RIMS2: variants seen among roughly 807,000 people sequenced by gnomAD.
RIMS2 encodes the protein regulating synaptic membrane exocytosis 2.
Under a neutral mutation model 174.4 loss-of-function variants are expected in RIMS2, and 59 were observed. The observed-to-expected ratio is 0.34, with a 90% CI of 0.27 to 0.42. The LOEUF is 0.42. RIMS2 is among the 10% of genes least tolerant of loss of function. RIMS2 has a pLI of 1.00. For synonymous variants in RIMS2, 606 were observed against 572.5 expected (o/e 1.06, Z -0.84); for missense variants, 1,620 against 1,666.3 (o/e 0.97, Z 0.48).
intron 15 of RIMS2, among the ~76,000 whole-genome samples, chr8:103,967,170 GTTTTTTT>G (rs71575988): frequency 5.2e-4 from 13 of 24,962 alleles, no homozygotes; most frequent in African/African-American, 2.1e-3. Context: ...ATCTGTTCTT[GTTTTTTT>G]TTTTTTTTTT....
chr8:103,824,127 G>A (rs2098771477), intron 3 of RIMS2, among the ~76,000 whole-genome samples: 1 of 151,862 alleles, frequency 6.6e-6, no homozygotes, highest in South Asian at 2.1e-4. Context: ...ACAATTATTA[G>A]TATATGTCCT....
chr8:104,086,689 A>G (rs1287142774), intron 19 of RIMS2, among the ~76,000 whole-genome samples: 2 of 152,090 alleles, frequency 1.3e-5, no homozygotes, highest in African/African-American at 4.8e-5. Flanking sequence ...TTCTTCGACT[A>G]CCGCTTTTTA....
At chr8:104,103,274 T>C (rs2097945658) in intron 19 of RIMS2, among the ~76,000 whole-genome samples, 1 of 152,150 alleles carries the variant, frequency 6.6e-6, no homozygotes, top group Non-Finnish European at 1.5e-5. Flanking sequence ...GAATTCATTT[T>C]TGGGGTGATG....
chr8:103,927,638 G>T (rs989798442), intron 10 of RIMS2, among the ~76,000 whole-genome samples: 2 of 151,354 alleles, frequency 1.3e-5, no homozygotes, highest in African/African-American at 4.8e-5. Context: ...CTAATATTTT[G>T]TATAGTTTTT....
At chr8:103,956,137 T>A (rs1187851502) in intron 14 of RIMS2, among the ~76,000 whole-genome samples, 1 of 152,168 alleles carries the variant, frequency 6.6e-6, no homozygotes, top group African/African-American at 2.4e-5. Flanking sequence ...TCCATGCTCA[T>A]GGATAGGAAG....
rs2096493676 is a variant in RIMS2, at chr8:104,035,444, T to G, written c.3334+20829T>G. Reference sequence around the variant, plus strand: ...TAATTAATATATTAATCTTTAATTTTTTTCTAACATGTACATTTCCATATT... The same window carrying G: ...TAATTAATATATTAATCTTTAATTTGTTTCTAACATGTACATTTCCATATT... On this transcript the variant is annotated intron_variant, in intron 19 of 23. Coordinates refer to ENST00000504942, the Ensembl canonical transcript of RIMS2. 2.0e-5 allele frequency among the ~76,000 whole-genome samples: 3 copies of G among 151,918 alleles called. No individual in the cohort carries two copies. In the South Asian group the frequency reaches 6.2e-4, roughly 32 times the overall value.
At chr8:103,789,151 A>T (rs927851477) in intron 3 of RIMS2, among the ~76,000 whole-genome samples, 3 of 151,960 alleles carry the variant, frequency 2.0e-5, no homozygotes, top group African/African-American at 7.3e-5. Context: ...GCGCGCACCC[A>T]CTGACCTGCG....
chr8:103,858,615 G>A (rs890502752), intron 3 of RIMS2, among the ~76,000 whole-genome samples: 7 of 149,288 alleles, frequency 4.7e-5, no homozygotes, highest in Non-Finnish European at 8.9e-5. Flanking sequence ...GTGTGTGTGT[G>A]TATATATATA....
At chr8:103,553,280 A>T (rs895515534) in intron 1 of RIMS2, among the ~76,000 whole-genome samples, 1 of 152,020 alleles carries the variant, frequency 6.6e-6, no homozygotes, top group Non-Finnish European at 1.5e-5. Flanking sequence ...AAAAGGATGA[A>T]TTTTTGTCCT....
At chr8:103,691,280 C>G (rs1046365590) in intron 1 of RIMS2, among the ~76,000 whole-genome samples, 3 of 151,924 alleles carry the variant, frequency 2.0e-5, no homozygotes, top group African/African-American at 7.3e-5. Context: ...GAACTTTTAC[C>G]CCATCTCTGT....
intron 3 of RIMS2, among the ~76,000 whole-genome samples, chr8:103,784,395 G>A (rs1439476678): frequency 1.3e-5 from 2 of 149,596 alleles, no homozygotes; most frequent in Non-Finnish European, 3.0e-5. Context: ...GGTTTTTATG[G>A]TTTTAGGTGT....
intron 19 of RIMS2, among the ~76,000 whole-genome samples, chr8:104,021,855 A>C (rs779089213): frequency 6.6e-6 from 1 of 152,180 alleles, no homozygotes; most frequent in Non-Finnish European, 1.5e-5. Flanking sequence ...CTGAAGGCTA[A>C]GAGATTAAGG....
intron 10 of RIMS2, among the ~76,000 whole-genome samples, chr8:103,922,918 A>G (rs933638363): frequency 1.3e-5 from 2 of 151,958 alleles, no homozygotes; most frequent in African/African-American, 4.8e-5. Flanking sequence ...AATAACAGAA[A>G]AGTTATGTAA....
intron 1 of RIMS2, among the ~76,000 whole-genome samples, chr8:103,602,227 T>G (rs1349275678): frequency 1.3e-5 from 2 of 152,128 alleles, no homozygotes; most frequent in Non-Finnish European, 1.5e-5. Context: ...GACCTCATGA[T>G]CCGCCCGCCT....
intron 3 of RIMS2, among the ~76,000 whole-genome samples, chr8:103,836,947 T>C (rs899168190): frequency 3.9e-5 from 6 of 152,210 alleles, no homozygotes; most frequent in Admixed American, 1.3e-4. Flanking sequence ...AGTGCAAAGA[T>C]TATATGGAAT....
At chr8:103,743,193 C>T (rs1303155117) in intron 2 of RIMS2, among the ~76,000 whole-genome samples, 1 of 152,144 alleles carries the variant, frequency 6.6e-6, no homozygotes, top group African/African-American at 2.4e-5. Flanking sequence ...GACACAACTC[C>T]ATTTATGTCA....
At chr8:104,043,380 A>G (rs1267771241) in intron 19 of RIMS2, among the ~76,000 whole-genome samples, 4 of 151,596 alleles carry the variant, frequency 2.6e-5, no homozygotes, top group African/African-American at 9.7e-5. Context: ...AAGATTGTGT[A>G]ATGATTGGCT....
At chr8:104,117,832 G>A (rs1296853958) in intron 19 of RIMS2, among the ~76,000 whole-genome samples, 1 of 152,100 alleles carries the variant, frequency 6.6e-6, no homozygotes, top group Non-Finnish European at 1.5e-5. Flanking sequence ...TATCTACATA[G>A]CCTTGCTAAA....
chr8:104,083,902 A>G (rs952881762), intron 19 of RIMS2, among the ~76,000 whole-genome samples: 6 of 152,188 alleles, frequency 3.9e-5, no homozygotes, highest in African/African-American at 1.4e-4. Flanking sequence ...TATTGAAAAA[A>G]TATTTACTTT....
Sources: gnomAD v4.1 joint callset for allele counts (sites outside exome capture counted in the v4.1 genomes callset) on GRCh38, gnomAD v4.1.1 for gene constraint, MANE v1.5 for transcripts, NCBI Gene and HGNC (gene_info 2026-07-23, HGNC 2026-07-21) for gene names.